Variants in ELAPOR1 observed in about 807,000 individuals in gnomAD.
ELAPOR1 encodes the protein endosome-lysosome associated apoptosis and autophagy regulator 1.
ELAPOR1 carries 77 observed loss-of-function variants against 119.7 expected under a neutral mutation model. The observed-to-expected ratio is 0.64, with a 90% CI of 0.54 to 0.78. The LOEUF (loss-of-function observed/expected upper bound fraction) is 0.78, where lower values mean the gene tolerates loss of function less well. Ranked by LOEUF, ELAPOR1 falls within the 30% of genes least tolerant of loss-of-function variation. ELAPOR1 has a pLI of 0.00. For missense variants in ELAPOR1, 1,115 were observed against 1,270.4 expected, an observed-to-expected ratio of 0.88 and a Z score of 1.86; for synonymous variants, 481 against 487.2, an observed-to-expected ratio of 0.99 and a Z score of 0.17.
At position 109,173,536 on chromosome 1, in the gene ELAPOR1, C is replaced by T; in HGVS notation, c.759C>T (p.Thr253=). The T allele has an allele frequency of 6.2e-7, 1 of 1,614,158 alleles. No individual in the cohort carries two copies. Among genetic ancestry groups the T allele is most frequent in the Middle Eastern group, 1.6e-4 (1 of 6,062 alleles). ...GAACCACAGCCTTCTCAGTATGGAC[C>T]AAAGTACCCAAGCCTGTGCTGGTGA... is the stretch of plus-strand genomic sequence containing the variant. ...YWRTTAFSVW[T]KVPKPVLVRN... Residue 253 remains threonine (T), a synonymous_variant, in exon 6 of 22, where the codon ACC becomes ACT. Transcript: ENST00000369939.
At chr1:109,191,263 C>G in intron 11 of ELAPOR1, 103 bp from the exon 12 acceptor site, 1 of 746,866 alleles carries the variant, frequency 1.3e-6, no homozygotes, top group Non-Finnish European at 2.3e-6. Context: ...CCATCATACT[C>G]AGAACTTAAC....
At chr1:109,118,906 T>C (rs1648204661) in intron 1 of ELAPOR1, among the ~76,000 whole-genome samples, 1 of 148,456 alleles carries the variant, frequency 6.7e-6, no homozygotes, top group South Asian at 2.1e-4. Flanking sequence ...TCTTCTTTTT[T>C]TTTTTTTTTG....
rs1229238176 is a variant in ELAPOR1, at chr1:109,185,133, G to A, written c.1041G>A (p.Glu347=). The change falls in exon 8 of 22, where the codon GAG becomes GAA. Residue 347 remains glutamate, a splice_region_variant and synonymous_variant. Coordinates refer to ENST00000369939, the MANE Select transcript of ELAPOR1 (RefSeq NM_020775.5). ...YTHTACDANG[E]TQLMYKWAKP... ...ACACGGCCTGCGATGCCAACGGAGA[G>A]GTGGGTAGTACAGTCTTGGAGCCCC... 2.5e-6 allele frequency: 4 copies of A among 1,612,692 alleles called. No individual in the cohort carries two copies. In the African/African-American group the frequency reaches 4.0e-5, roughly 16 times the overall value.
At chr1:109,149,147 G>A (rs140726391) in intron 1 of ELAPOR1, among the ~76,000 whole-genome samples, 11,032 of 152,078 alleles carry the variant, frequency 0.073, 455 homozygotes, top group Non-Finnish European at 0.09. Context: ...AGGGCGCGTC[G>A]GGCAGGCAGT....
In ELAPOR1 at chr1:109,199,998, C is replaced by T. The variant is rs545471967; in HGVS notation, c.2628+18C>T. On this transcript the variant is annotated intron_variant, in intron 19 of 21. Transcript: ENST00000369939. Reference sequence around the variant, plus strand: ...GGATCCAGGTGGGTTTCCCTCTGATCGGGCACTTCCATGAGAGAAGGGAAT... The same window carrying T: ...GGATCCAGGTGGGTTTCCCTCTGATTGGGCACTTCCATGAGAGAAGGGAAT... The T allele has an allele frequency of 7.4e-6, 12 of 1,613,754 alleles. No individual in the cohort carries two copies. Among genetic ancestry groups the T allele is most frequent in the African/African-American group, 4.0e-5 (3 of 74,916 alleles).
intron 7 of ELAPOR1, among the ~76,000 whole-genome samples, chr1:109,176,597 TTTTTTTTTC>T (rs1156521409): frequency 6.7e-6 from 1 of 149,938 alleles, no homozygotes; most frequent in East Asian, 1.9e-4. Context: ...TGCAGTTTTC[TTTTTTTTTC>T]TTTTTTTTTT....
Position 109,173,051 on chromosome 1 carries a change from C to T in ELAPOR1, c.697-423C>T, listed in dbSNP as rs182884255. On this transcript the variant is annotated intron_variant, in intron 5 of 21. Coordinates refer to ENST00000369939, the MANE Select transcript of ELAPOR1 (RefSeq NM_020775.5). ...GGCGGAGGTTGTGGTGAGCTGAGATCGAGCCATTGCACTCCAGCCTGGGCA... is the reference window on the plus strand; with the variant it reads ...GGCGGAGGTTGTGGTGAGCTGAGATTGAGCCATTGCACTCCAGCCTGGGCA... Among the ~76,000 whole-genome samples the T allele has an allele frequency of 1.6e-3, 230 of 143,552 alleles. 2 individuals carry two copies. In the South Asian group the frequency reaches 0.036, roughly 22 times the overall value. 94.2% of individuals were successfully genotyped at this position (143,552 alleles called of 152,430 possible). A position where few individuals can be genotyped will look rare whatever the true frequency, so the allele number is the denominator to read the frequency against.
At chr1:109,188,486 C>T (rs1342402902) in intron 9 of ELAPOR1, 132 bp downstream of exon 9, 10 of 981,068 alleles carry the variant, frequency 1.0e-5, no homozygotes, top group African/African-American at 3.3e-5. Context: ...GACCAGGCCA[C>T]CTTTGAGGAC....
intron 1 of ELAPOR1, among the ~76,000 whole-genome samples, chr1:109,118,900 C>CTTTTTTTTTTTTTTTTT (rs777752743): frequency 4.7e-5 from 6 of 128,210 alleles, no homozygotes; most frequent in African/African-American, 6.4e-5. Context: ...TTTGGTTCTT[C>CTTTTTTTTTTTTTTTTT]TTTTTTTTTT....
intron 7 of ELAPOR1, among the ~76,000 whole-genome samples, chr1:109,175,603 G>C (rs889100921): frequency 2.7e-5 from 4 of 150,458 alleles, no homozygotes; most frequent in Admixed American, 1.3e-4. Context: ...GAGGCAGGCA[G>C]ATCACTTGAG....
At chr1:109,143,224 A>T (rs1406780529) in intron 1 of ELAPOR1, among the ~76,000 whole-genome samples, 1 of 152,234 alleles carries the variant, frequency 6.6e-6, no homozygotes. Flanking sequence ...TGCTAGAATT[A>T]TAGGCATGAG....
chr1:109,191,540 G>A, intron 12 of ELAPOR1, 69 bp downstream of exon 12: 2 of 1,415,340 alleles, frequency 1.4e-6, no homozygotes, highest in Non-Finnish European at 2.0e-6. Flanking sequence ...CCCCATTGGT[G>A]TGTCCACGTG....
chr1:109,116,152 C>T (rs1277819), intron 1 of ELAPOR1, among the ~76,000 whole-genome samples: 2,121 of 152,292 alleles, frequency 0.014, 50 homozygotes, highest in African/African-American at 0.048. Flanking sequence ...AACTTGTGTA[C>T]GAATTTTGCC....
At chr1:109,148,194 A>G (rs1198709379) in intron 1 of ELAPOR1, among the ~76,000 whole-genome samples, 1 of 113,316 alleles carries the variant, frequency 8.8e-6, no homozygotes. Context: ...GCTGGAGTGC[A>G]GTGGCGCAAT....
chr1:109,169,066 T>G (rs1651768542), intron 3 of ELAPOR1, among the ~76,000 whole-genome samples: 1 of 152,190 alleles, frequency 6.6e-6, no homozygotes, highest in South Asian at 2.1e-4. Context: ...AGGTTATCCC[T>G]TTCAACAAGG....
intron 1 of ELAPOR1, among the ~76,000 whole-genome samples, chr1:109,116,965 G>A (rs1280690508): frequency 6.6e-6 from 1 of 152,170 alleles, no homozygotes; most frequent in Non-Finnish European, 1.5e-5. Flanking sequence ...TGCTGGGACT[G>A]CAGGCGTGAG....
intron 1 of ELAPOR1, among the ~76,000 whole-genome samples, chr1:109,120,395 T>TTAAAATAAAATAAAATAAAA (rs111497710): frequency 0.016 from 2,296 of 147,884 alleles, 61 homozygotes; most frequent in African/African-American, 0.055. Context: ...AGACTCTGTC[T>TTAAAATAAAATAAAATAAAA]TAAAATAAAA....
intron 1 of ELAPOR1, among the ~76,000 whole-genome samples, chr1:109,133,547 T>A (rs1465360074): frequency 6.6e-6 from 1 of 152,218 alleles, no homozygotes; most frequent in Non-Finnish European, 1.5e-5. Flanking sequence ...TTACTGAGAC[T>A]GTAGTATCTC....
At chr1:109,194,631 G>T in intron 15 of ELAPOR1, 37 bp downstream of exon 15, 1 of 1,591,450 alleles carries the variant, frequency 6.3e-7, no homozygotes, top group Non-Finnish European at 8.6e-7. Context: ...AAATTGAATG[G>T]GGGAGGCCCA....
Sources: gnomAD v4.1 joint callset for allele counts (sites outside exome capture counted in the v4.1 genomes callset) on GRCh38, gnomAD v4.1.1 for gene constraint, MANE v1.5 for transcripts, NCBI Gene and HGNC (gene_info 2026-07-23, HGNC 2026-07-21) for gene names.